The following GPM6B variants were observed in gnomAD, a reference collection of about 807,000 sequenced individuals.
The protein encoded by GPM6B is glycoprotein M6B.
GPM6B carries 4 observed loss-of-function variants against 27.2 expected under a neutral mutation model. The observed-to-expected ratio is 0.15, with a 90% CI of 0.07 to 0.34. GPM6B has a LOEUF of 0.34. Among genes scored for constraint, GPM6B ranks in the 10% least tolerant of loss-of-function variants. The pLI, the probability that GPM6B is intolerant of heterozygous loss-of-function variation, is 1.00. For missense variants in GPM6B, 183 were observed against 261.9 expected (o/e 0.70, Z 2.08); for synonymous variants, 124 against 103.1 (o/e 1.20, Z -1.23).
chrX:13,896,594 C>A (rs10217868), intron 1 of GPM6B, among the ~76,000 whole-genome samples: 2,787 of 110,372 alleles, frequency 0.025, 94 homozygotes, highest in African/African-American at 0.089. Context: ...GAGACAGAGT[C>A]TTGCTCTGTC....
chrX:13,790,599 G>T (rs1010803041), intron 2 of GPM6B, among the ~76,000 whole-genome samples: 1 of 111,917 alleles, frequency 8.9e-6, no homozygotes, highest in Non-Finnish European at 1.9e-5. Context: ...GATGGTGTGT[G>T]ATGTTTTTTC....
At chrX:13,819,592 T>C (rs992809778), upstream of GPM6B, among the ~76,000 whole-genome samples, 1 of 112,254 alleles carries the variant, frequency 8.9e-6, no homozygotes, top group African/African-American at 3.2e-5. Flanking sequence ...CAGTTTCACG[T>C]GGTTTGACTT....
chrX:13,931,519 T>C (rs985537494), intron 1 of GPM6B, among the ~76,000 whole-genome samples: 3 of 108,541 alleles, frequency 2.8e-5, no homozygotes, highest in African/African-American at 1.0e-4. Context: ...AAAAGAAAAA[T>C]AAATAAATAA....
At chrX:13,885,358 T>C (rs776051248) in intron 1 of GPM6B, among the ~76,000 whole-genome samples, 5 of 112,643 alleles carry the variant, frequency 4.4e-5, no homozygotes, top group Admixed American at 9.4e-5. Context: ...GCTGTTCAAA[T>C]AGATGTTCAG....
intron 5 of GPM6B, among the ~76,000 whole-genome samples, 180 bp downstream of exon 5, chrX:13,779,638 C>G (rs776941700): frequency 9.0e-5 from 10 of 111,369 alleles, no homozygotes; most frequent in Admixed American, 7.6e-4. Context: ...AAGCTAAAAG[C>G]CTCCCTGAAG....
chrX:13,820,155 G>A (rs982816160), upstream of GPM6B, among the ~76,000 whole-genome samples: 2 of 111,499 alleles, frequency 1.8e-5, no homozygotes, highest in African/African-American at 6.5e-5. Flanking sequence ...TATTGGTAAC[G>A]TGGAAGACAG....
chrX:13,777,329 A>C (rs2048432493), intron 6 of GPM6B, 23 bp downstream of exon 6: 1 of 1,119,586 alleles, frequency 8.9e-7, no homozygotes, highest in African/African-American at 1.8e-5. Context: ...CTCAAGGGTT[A>C]TTCTGAACTG....
intron 1 of GPM6B, among the ~76,000 whole-genome samples, chrX:13,876,171 T>G (rs2050031286): frequency 8.9e-6 from 1 of 112,129 alleles, no homozygotes; most frequent in South Asian, 3.7e-4. Flanking sequence ...TAACTTGATA[T>G]AAGCACCTAA....
At chrX:13,868,683 C>T (rs1345031031) in intron 1 of GPM6B, among the ~76,000 whole-genome samples, 1 of 112,374 alleles carries the variant, frequency 8.9e-6, no homozygotes, top group African/African-American at 3.2e-5. Flanking sequence ...AAAATGTATG[C>T]TGTTTCCACA....
rs758609770 is a variant in GPM6B, at chrX:13,910,687, CTTG to C, written c.-198+27637_-198+27639del. On this transcript the variant is annotated intron_variant, in intron 1 of 6. Coordinates refer to the GPM6B transcript ENST00000398361. ...AGAATTTCTCAGCATCGACGTCAAGCTTGTTAATATCTTTGGAGAAGAACCAAT... is the reference window on the plus strand; with the variant it reads ...AGAATTTCTCAGCATCGACGTCAAGCTTAATATCTTTGGAGAAGAACCAAT... Among the ~76,000 whole-genome samples the C allele has an allele frequency of 3.5e-5, 4 of 112,877 alleles. No homozygotes were observed. In the South Asian group the frequency reaches 1.4e-3, roughly 41 times the overall value.
At chrX:13,863,569 C>T (rs984061647) in intron 1 of GPM6B, among the ~76,000 whole-genome samples, 2 of 111,809 alleles carry the variant, frequency 1.8e-5, no homozygotes, top group African/African-American at 3.2e-5. Context: ...CCTTTTTCCA[C>T]GCTGGCTGCT....
chrX:13,885,389 CTCT>C (rs975165164), intron 1 of GPM6B, among the ~76,000 whole-genome samples: 2 of 112,307 alleles, frequency 1.8e-5, no homozygotes, highest in African/African-American at 6.5e-5. Context: ...CTCAATCTCT[CTCT>C]TTTTTTCCTT....
At chrX:13,921,574 C>CT (rs1167521248) in intron 1 of GPM6B, among the ~76,000 whole-genome samples, 1 of 59,711 alleles carries the variant, frequency 1.7e-5, no homozygotes, top group African/African-American at 6.6e-5. Flanking sequence ...CATTTATAAC[C>CT]CCCCCCCTTT....
At chrX:13,916,578 C>A (rs186500223) in intron 1 of GPM6B, among the ~76,000 whole-genome samples, 8 of 111,103 alleles carry the variant, frequency 7.2e-5, no homozygotes, top group Non-Finnish European at 1.5e-4. Context: ...TTCCCAGGCA[C>A]CCACGCCAAG....
intron 1 of GPM6B, among the ~76,000 whole-genome samples, chrX:13,825,525 T>C (rs913746564): frequency 1.8e-5 from 2 of 111,773 alleles, no homozygotes; most frequent in Non-Finnish European, 1.9e-5. Flanking sequence ...GGAGGGAATT[T>C]TAAGAAGGAG....
At chrX:13,856,296 T>C (rs2049778508) in intron 1 of GPM6B, among the ~76,000 whole-genome samples, 1 of 111,690 alleles carries the variant, frequency 9.0e-6, no homozygotes, top group Non-Finnish European at 1.9e-5. Context: ...ATTTTAGTAA[T>C]GATGACCAAA....
In GPM6B at chrX:13,784,572, T is replaced by C. The variant is rs1216674098; in HGVS notation, c.368+1050A>G. 4.5e-5 allele frequency among the ~76,000 whole-genome samples: 5 copies of C among 112,152 alleles called. No individual in the cohort carries two copies. The South Asian group carries it at 1.1e-3, about 25-fold the overall frequency. On this transcript the variant is annotated intron_variant, in intron 3 of 7. Coordinates refer to ENST00000316715, the MANE Select transcript of GPM6B (RefSeq NM_001001995.3). ...TTCAGTCTGGTGAAGAAGTTTCTTA[T>C]AATCATAAGACACACTAACACTGGA...
Position 13,807,740 on chromosome X carries a change from T to G in GPM6B, c.91A>C (p.Arg31=), listed in dbSNP as rs759652217. The G allele has an allele frequency of 1.7e-5, 20 of 1,204,679 alleles. No homozygotes were observed. The highest frequency in any genetic ancestry group is 2.2e-5 in the Non-Finnish European group (20 of 891,219). ...GAGCCTGGGTACATCCAGTGGTACC[T>G]GCCAATTTCCATTTCAGCTCTGCTG... ...VNSRAEMEIG[R]YHWMYPGSKN... The change falls in exon 2 of 8, where the codon AGG becomes CGG. Residue 31 remains arginine, a synonymous_variant. Coordinates refer to ENST00000316715, the MANE Select transcript of GPM6B (RefSeq NM_001001995.3).
chrX:13,859,200 C>A (rs746628284), intron 1 of GPM6B, among the ~76,000 whole-genome samples: 9 of 111,942 alleles, frequency 8.0e-5, no homozygotes, highest in Non-Finnish European at 1.1e-4. Flanking sequence ...CAGAACAGTT[C>A]CCCCACTTTA....
Sources: allele counts gnomAD v4.1 joint callset (sites outside exome capture counted in the v4.1 genomes callset), GRCh38; gene constraint gnomAD v4.1.1; transcripts MANE v1.5; gene names NCBI Gene and HGNC (gene_info 2026-07-23, HGNC 2026-07-21).